The following MLIP variants were observed in gnomAD, a reference collection of about 807,000 sequenced individuals.
MLIP encodes muscular LMNA-interacting protein.
MLIP carries 79 observed loss-of-function variants against 84.8 expected under a neutral mutation model. The observed-to-expected ratio is 0.93, with a 90% CI of 0.78 to 1.12. The LOEUF (loss-of-function observed/expected upper bound fraction) is 1.12. Among genes scored for constraint, MLIP ranks in the 50% most tolerant of loss-of-function variants. The probability of loss-of-function intolerance (pLI) is 0.00; values close to 1 mark genes in which losing one functional copy is unlikely to be tolerated. For synonymous variants in MLIP, 504 were observed against 463.0 expected (o/e 1.09, Z -1.14); for missense variants, 1,257 against 1,160.6 (o/e 1.08, Z -1.21).
intron 1 of MLIP, among the ~76,000 whole-genome samples, chr6:54,085,593 A>G (rs1264251360): frequency 2.0e-5 from 3 of 152,182 alleles, no homozygotes; most frequent in African/African-American, 4.8e-5. Context: ...ACAAGTAAAC[A>G]AAACGAATCA....
chr6:54,124,591 C>A lies in MLIP; in HGVS notation c.371C>A (p.Ala124Glu), dbSNP rs775570995. The change falls in exon 3 of 14, where the codon GCA becomes GAA. Residue 124 changes from alanine to glutamate, a missense_variant. Coordinates refer to ENST00000502396, the MANE Select transcript of MLIP (RefSeq NM_001281747.2). Reference sequence around the variant, plus strand: ...ATTTTACAAGAAAGGGAATTCGAAGCAAACAAACTTCAAGGGATGCAGCAA... The same window carrying A: ...ATTTTACAAGAAAGGGAATTCGAAGAAAACAAACTTCAAGGGATGCAGCAA... ...GTILQEREFE[A>E]NKLQGMQQSD... 222 of 1,614,056 alleles carry A rather than the reference C, an allele frequency of 1.4e-4. No individual in the cohort carries two copies. The highest frequency in any genetic ancestry group is 1.8e-4 in the Non-Finnish European group (216 of 1,180,032).
chr6:54,140,260 T>G (rs1279576990), intron 4 of MLIP, among the ~76,000 whole-genome samples: 2 of 152,178 alleles, frequency 1.3e-5, no homozygotes, highest in African/African-American at 2.4e-5. Context: ...TTATGTTTTC[T>G]CCTGTTTTGG....
intron 1 of MLIP, among the ~76,000 whole-genome samples, chr6:54,033,353 G>A (rs1031939335): frequency 1.0e-4 from 15 of 150,628 alleles, no homozygotes; most frequent in African/African-American, 3.2e-4. Flanking sequence ...TGCAACCTCC[G>A]CCTCCCGGGT....
intron 1 of MLIP, among the ~76,000 whole-genome samples, chr6:54,099,157 T>C (rs1370357247): frequency 6.6e-6 from 1 of 152,162 alleles, no homozygotes; most frequent in African/African-American, 2.4e-5. Flanking sequence ...AATTAGTTTG[T>C]TGTATATTTC....
At chr6:54,203,664 C>G (rs978244087) in intron 11 of MLIP, 1 of 152,504 alleles carries the variant, frequency 6.6e-6, no homozygotes, top group African/African-American at 2.4e-5. Context: ...CGGCTCACTG[C>G]AACCTCCGCC....
chr6:54,221,560 G>T (rs888366792), intron 11 of MLIP, among the ~76,000 whole-genome samples: 10 of 151,838 alleles, frequency 6.6e-5, no homozygotes, highest in Non-Finnish European at 7.4e-5. Flanking sequence ...AATGCTAAAA[G>T]ATGGCATTTA....
chr6:54,099,520 A>G (rs1189317675), intron 1 of MLIP: 1 of 152,164 alleles, frequency 6.6e-6, no homozygotes, highest in African/African-American at 2.4e-5. Context: ...AAAAAAATAT[A>G]TAGCTGTGCA....
intron 1 of MLIP, among the ~76,000 whole-genome samples, chr6:54,101,667 A>T (rs761787612): frequency 6.6e-6 from 1 of 152,148 alleles, no homozygotes; most frequent in Non-Finnish European, 1.5e-5. Flanking sequence ...TGGAAGATGA[A>T]TATTGTTTGC....
At chr6:54,056,161 T>G (rs1765649164) in intron 1 of MLIP, among the ~76,000 whole-genome samples, 1 of 152,190 alleles carries the variant, frequency 6.6e-6, no homozygotes, top group East Asian at 1.9e-4. Context: ...TCAGCTTTGT[T>G]TACGTGAATT....
chr6:54,111,053 T>G (rs1769417819), upstream of MLIP, among the ~76,000 whole-genome samples: 1 of 152,254 alleles, frequency 6.6e-6, no homozygotes, highest in African/African-American at 2.4e-5. Flanking sequence ...CCTCTAAATG[T>G]TCTCTATGAG....
chr6:54,204,266 C>T (rs1457498354), intron 11 of MLIP, among the ~76,000 whole-genome samples: 1 of 152,022 alleles, frequency 6.6e-6, no homozygotes, highest in Non-Finnish European at 1.5e-5. Flanking sequence ...ATAAGGTTGC[C>T]TTCACTAATT....
At chr6:54,142,952 T>C (rs1561977410) in intron 4 of MLIP, among the ~76,000 whole-genome samples, 1 of 152,144 alleles carries the variant, frequency 6.6e-6, no homozygotes, top group Non-Finnish European at 1.5e-5. Context: ...CTTATGTGCT[T>C]TCTTATTTTG....
intron 12 of MLIP, among the ~76,000 whole-genome samples, chr6:54,237,827 G>A (rs1781471194): frequency 1.3e-5 from 2 of 152,200 alleles, no homozygotes; most frequent in South Asian, 4.1e-4. Flanking sequence ...TCTCGGCTGT[G>A]CAACAAAGTG....
At chr6:54,021,919 A>G (rs545691503) in intron 1 of MLIP, among the ~76,000 whole-genome samples, 2 of 152,342 alleles carry the variant, frequency 1.3e-5, no homozygotes, top group South Asian at 4.1e-4. Flanking sequence ...AAAACCATCT[A>G]TTAAATCATG....
At chr6:54,207,435 T>G (rs1480923331) in intron 11 of MLIP, among the ~76,000 whole-genome samples, 1 of 137,536 alleles carries the variant, frequency 7.3e-6, no homozygotes, top group Non-Finnish European at 1.6e-5. Flanking sequence ...TTGACATTTC[T>G]TTTCTCTTGA....
chr6:54,024,424 C>T (rs1251786963), intron 1 of MLIP, among the ~76,000 whole-genome samples: 1 of 152,218 alleles, frequency 6.6e-6, no homozygotes, highest in African/African-American at 2.4e-5. Flanking sequence ...TCTAATTCCT[C>T]ATATCATTAT....
intron 1 of MLIP, among the ~76,000 whole-genome samples, chr6:54,090,503 G>A (rs1365789348): frequency 6.6e-6 from 1 of 151,984 alleles, no homozygotes; most frequent in Non-Finnish European, 1.5e-5. Flanking sequence ...ACTTCCCTTT[G>A]TTATTCAGAA....
At chr6:54,019,157 A>G (rs1025387203) in intron 1 of MLIP, 24 of 1,538,410 alleles carry the variant, frequency 1.6e-5, no homozygotes, top group African/African-American at 2.8e-5. Context: ...AGCAACTGTC[A>G]TAGACTGGAA....
chr6:54,078,248 C>T (rs1766922411), intron 1 of MLIP, among the ~76,000 whole-genome samples: 1 of 152,000 alleles, frequency 6.6e-6, no homozygotes. Context: ...GCAGTAATAA[C>T]TTAAGCAGTT....
Sources: gnomAD v4.1 joint callset for allele counts (sites outside exome capture counted in the v4.1 genomes callset) on GRCh38, gnomAD v4.1.1 for gene constraint, MANE v1.5 for transcripts, NCBI Gene and HGNC (gene_info 2026-07-23, HGNC 2026-07-21) for gene names.